Variants in TASP1 observed in about 807,000 individuals in gnomAD.
TASP1 encodes the protein taspase 1, also known as threonine aspartase 1.
Under a neutral mutation model 56.6 loss-of-function variants are expected in TASP1, and 16 were observed. That is an observed-to-expected ratio of 0.28 (90% confidence interval 0.19 to 0.43). TASP1 has a LOEUF of 0.43. Among genes scored for constraint, TASP1 ranks in the 20% least tolerant of loss-of-function variants. TASP1 has a pLI of 1.00. For missense variants in TASP1, 393 were observed against 511.6 expected (o/e 0.77, Z 2.24); for synonymous variants, 179 against 184.2 (o/e 0.97, Z 0.23).
chr20:13,285,441 C>T, the TASP1 span, among the ~76,000 whole-genome samples: 7 of 152,222 alleles, frequency 4.6e-5, no homozygotes, highest in Admixed American at 4.6e-4. Context: ...TTAGGCTGGC[C>T]TCACTCACAA....
chr20:13,512,525 G>T (rs1411602065), intron 10 of TASP1, among the ~76,000 whole-genome samples: 2 of 152,146 alleles, frequency 1.3e-5, no homozygotes, highest in South Asian at 2.1e-4. Context: ...TGAGTAGATT[G>T]CAAAACTTTT....
At chr20:13,452,564 G>A (rs1470367009) in intron 11 of TASP1, among the ~76,000 whole-genome samples, 2 of 151,524 alleles carry the variant, frequency 1.3e-5, no homozygotes, top group Admixed American at 6.6e-5. Flanking sequence ...CTATAAATAT[G>A]TACATCTCAC....
intron 10 of TASP1, among the ~76,000 whole-genome samples, chr20:13,524,209 G>A (rs2044883523): frequency 6.6e-6 from 1 of 151,888 alleles, no homozygotes; most frequent in South Asian, 2.1e-4. Flanking sequence ...GAAAAGCAAT[G>A]TTAAGGTAAA....
chr20:13,424,964 G>C lies in TASP1; in HGVS notation c.1097-7443C>G, dbSNP rs1356762197. ...AATGTGAGAAAACGTACACACCATT[G>C]ATCCTGTTCCAACATTGGAGAATGG... On this transcript the variant is annotated intron_variant, in intron 12 of 13. Coordinates refer to ENST00000337743, the MANE Select transcript of TASP1 (RefSeq NM_017714.3). 2.0e-5 allele frequency among the ~76,000 whole-genome samples: 3 copies of C among 152,148 alleles called. No homozygotes were observed. In the East Asian group the frequency reaches 5.8e-4, roughly 29 times the overall value.
the TASP1 span, among the ~76,000 whole-genome samples, chr20:13,331,191 T>C: frequency 6.6e-6 from 1 of 152,160 alleles, no homozygotes; most frequent in East Asian, 1.9e-4. Context: ...TTTTGATATG[T>C]TGTATTTTTA....
intron 11 of TASP1, among the ~76,000 whole-genome samples, chr20:13,453,757 G>A (rs1187967301): frequency 6.6e-6 from 1 of 152,058 alleles, no homozygotes; most frequent in African/African-American, 2.4e-5. Flanking sequence ...CCAGGTCACA[G>A]GAAGGTTACA....
chr20:13,143,086 T>C, the TASP1 span, among the ~76,000 whole-genome samples: 3 of 152,160 alleles, frequency 2.0e-5, no homozygotes, highest in Non-Finnish European at 4.4e-5. Flanking sequence ...CTGCTTCAAC[T>C]TGAGCACTGA....
At chr20:13,115,487 T>A in the TASP1 span, among the ~76,000 whole-genome samples, 4 of 152,160 alleles carry the variant, frequency 2.6e-5, no homozygotes, top group African/African-American at 9.7e-5. Flanking sequence ...CTTTGGCTTC[T>A]GTCAAATTCA....
chr20:13,354,227 C>A, the TASP1 span, among the ~76,000 whole-genome samples: 1 of 151,960 alleles, frequency 6.6e-6, no homozygotes, highest in Non-Finnish European at 1.5e-5. Flanking sequence ...CTAAAAGATT[C>A]AAGATCCAAA....
At chr20:13,185,826 T>C in the TASP1 span, among the ~76,000 whole-genome samples, 1 of 152,172 alleles carries the variant, frequency 6.6e-6, no homozygotes, top group Admixed American at 6.6e-5. Flanking sequence ...TTAAGGACAC[T>C]TCCAATCTCA....
At chr20:13,118,180 T>C in the TASP1 span, among the ~76,000 whole-genome samples, 1 of 152,100 alleles carries the variant, frequency 6.6e-6, no homozygotes, top group South Asian at 2.1e-4. Flanking sequence ...ATAGCAACAG[T>C]AGGCAATGTT....
the TASP1 span, among the ~76,000 whole-genome samples, chr20:13,359,202 A>G: frequency 0.23 from 27,454 of 120,224 alleles, 5,621 homozygotes; most frequent in African/African-American, 0.48. Context: ...GTGGCCAGGC[A>G]TTCCTCCAGA....
intron 10 of TASP1, among the ~76,000 whole-genome samples, chr20:13,515,088 T>TA (rs2044472499): frequency 6.6e-6 from 1 of 152,160 alleles, no homozygotes; most frequent in Admixed American, 6.6e-5. Context: ...CTTTTCAAGT[T>TA]AGCAGTTTGT....
At chr20:13,256,148 C>A in the TASP1 span, among the ~76,000 whole-genome samples, 5 of 152,034 alleles carry the variant, frequency 3.3e-5, no homozygotes, top group African/African-American at 1.2e-4. Context: ...GTTATCCCAG[C>A]ACTTTGGGAG....
At chr20:13,492,955 A>AT (rs1301762804) in intron 10 of TASP1, among the ~76,000 whole-genome samples, 1 of 152,180 alleles carries the variant, frequency 6.6e-6, no homozygotes, top group Non-Finnish European at 1.5e-5. Context: ...GGTGCTAGAC[A>AT]TATAGTACAT....
the TASP1 span, among the ~76,000 whole-genome samples, chr20:13,350,067 A>G: frequency 6.6e-6 from 1 of 152,216 alleles, no homozygotes; most frequent in Non-Finnish European, 1.5e-5. Flanking sequence ...CAGGAGGCTG[A>G]GGCTGCAGTG....
chr20:13,119,658 C>G, the TASP1 span, among the ~76,000 whole-genome samples: 7 of 151,856 alleles, frequency 4.6e-5, no homozygotes, highest in Admixed American at 4.6e-4. Context: ...TCTCTGTCTT[C>G]TCTTCCCTTC....
At chr20:13,230,266 C>G in the TASP1 span, among the ~76,000 whole-genome samples, 1 of 152,128 alleles carries the variant, frequency 6.6e-6, no homozygotes, top group African/African-American at 2.4e-5. Flanking sequence ...ATCTTTTACG[C>G]TACATGTTAA....
At chr20:13,616,588 C>T (rs548067302) in intron 4 of TASP1, among the ~76,000 whole-genome samples, 3 of 151,866 alleles carry the variant, frequency 2.0e-5, no homozygotes, top group African/African-American at 7.2e-5. Flanking sequence ...GGGTTTGCTA[C>T]CATGTAAAAT....
Sources: allele counts gnomAD v4.1 joint callset (sites outside exome capture counted in the v4.1 genomes callset), GRCh38; gene constraint gnomAD v4.1.1; transcripts MANE v1.5; gene names NCBI Gene and HGNC (gene_info 2026-07-23, HGNC 2026-07-21).